The following DGKB variants were observed in gnomAD, a reference collection of about 807,000 sequenced individuals.
DGKB encodes diacylglycerol kinase beta, also known as 90 kDa diacylglycerol kinase.
A neutral mutation model predicts 114.3 loss-of-function variants in DGKB; 67 were observed. The ratio of observed to expected loss-of-function variants is 0.59; its 90% CI spans 0.48 to 0.72. The LOEUF (loss-of-function observed/expected upper bound fraction) is 0.72. DGKB is among the 30% of genes least tolerant of loss of function. The probability of loss-of-function intolerance (pLI) is 0.00; values close to 1 mark genes in which losing one functional copy is unlikely to be tolerated. For missense variants in DGKB, 907 were observed against 975.2 expected (o/e 0.93, Z 0.93); for synonymous variants, 398 against 323.1 (o/e 1.23, Z -2.49).
chr7:14,963,987 T>C (rs1787010338), intron 1 of DGKB, among the ~76,000 whole-genome samples: 1 of 152,148 alleles, frequency 6.6e-6, no homozygotes, highest in African/African-American at 2.4e-5. Flanking sequence ...ATATTTGTTA[T>C]AATAAAGATA....
At chr7:14,515,918 C>G (rs913100507) in intron 20 of DGKB, among the ~76,000 whole-genome samples, 2 of 152,136 alleles carry the variant, frequency 1.3e-5, no homozygotes, top group Non-Finnish European at 2.9e-5. Context: ...GCTCATGACT[C>G]TCTGCAGCCT....
chr7:14,656,751 TATACAC>T (rs1227739797), intron 13 of DGKB, among the ~76,000 whole-genome samples: 2 of 127,642 alleles, frequency 1.6e-5, no homozygotes, highest in Admixed American at 7.9e-5. Flanking sequence ...ATATAGGATA[TATACAC>T]ACACACACAC....
chr7:14,698,269 A>T (rs1400539917), intron 7 of DGKB, 100 bp from the exon 8 acceptor site: 2 of 663,858 alleles, frequency 3.0e-6, no homozygotes, highest in African/African-American at 1.9e-5. Flanking sequence ...TAGCTAAAAA[A>T]GTTAAATGAG....
intron 1 of DGKB, among the ~76,000 whole-genome samples, chr7:14,956,243 T>C (rs905568883): frequency 2.6e-5 from 4 of 151,962 alleles, no homozygotes; most frequent in African/African-American, 9.7e-5. Context: ...TTTTGATAAT[T>C]TCAAATGCAG....
At chr7:14,808,765 G>A (rs898153981) in intron 2 of DGKB, among the ~76,000 whole-genome samples, 1 of 152,144 alleles carries the variant, frequency 6.6e-6, no homozygotes, top group African/African-American at 2.4e-5. Context: ...TGATGAAACA[G>A]TGGAATGAAC....
chr7:14,693,090 C>A (rs1181653683), intron 9 of DGKB, among the ~76,000 whole-genome samples: 1 of 152,026 alleles, frequency 6.6e-6, no homozygotes, highest in East Asian at 1.9e-4. Flanking sequence ...AGTCTTGAAT[C>A]TGTAAAAATA....
chr7:14,892,864 A>G (rs71529372), intron 1 of DGKB, among the ~76,000 whole-genome samples: 31,253 of 146,998 alleles, frequency 0.21, 4,334 homozygotes, highest in Middle Eastern at 0.35. Context: ...ATATATATAT[A>G]TGTGTGTGTG....
intron 25 of DGKB, among the ~76,000 whole-genome samples, chr7:14,155,968 G>A (rs191786676): frequency 6.6e-5 from 10 of 152,198 alleles, no homozygotes; most frequent in East Asian, 5.8e-4. Context: ...CAATTGAGAC[G>A]AAATTACTGA....
intron 25 of DGKB, among the ~76,000 whole-genome samples, chr7:14,165,164 T>A (rs1784440481): frequency 6.6e-6 from 1 of 152,164 alleles, no homozygotes; most frequent in African/African-American, 2.4e-5. Flanking sequence ...ATTTTTAACC[T>A]CAGACTACAT....
rs1363066948 is a variant in DGKB, at chr7:14,471,179, GTA to G, written c.1835+6980_1835+6981del. 6.7e-4 allele frequency among the ~76,000 whole-genome samples: 69 copies of G among 102,710 alleles called. 8 individuals are homozygous for G. Among genetic ancestry groups the G allele is most frequent in the African/African-American group, 1.9e-3 (51 of 27,392 alleles). 67.4% of individuals were successfully genotyped at this position (102,710 alleles called of 152,430 possible). A position where few individuals can be genotyped will look rare whatever the true frequency, so the allele number is the denominator to read the frequency against. On this transcript the variant is annotated intron_variant, in intron 21 of 25. Coordinates refer to ENST00000402815, the MANE Select transcript of DGKB (RefSeq NM_001350709.2). ...AATTTTCCATATATATGGAATATAT[GTA>G]TATATACATATATGTATGGAATATA...
intron 23 of DGKB, among the ~76,000 whole-genome samples, chr7:14,332,150 A>C (rs1809833343): frequency 1.3e-5 from 2 of 152,106 alleles, no homozygotes; most frequent in African/African-American, 2.4e-5. Context: ...AGCTAGCATT[A>C]ACTAGGCATT....
At chr7:14,406,221 C>T (rs1245336079) in intron 21 of DGKB, among the ~76,000 whole-genome samples, 1 of 151,896 alleles carries the variant, frequency 6.6e-6, no homozygotes, top group African/African-American at 2.4e-5. Context: ...GACACAATAG[C>T]CTAGCAAATG....
intron 20 of DGKB, among the ~76,000 whole-genome samples, chr7:14,535,950 G>A (rs1158886353): frequency 2.6e-5 from 4 of 151,978 alleles, no homozygotes; most frequent in African/African-American, 9.7e-5. Flanking sequence ...AAAAAAGAGA[G>A]AAGACCCAAA....
intron 5 of DGKB, among the ~76,000 whole-genome samples, chr7:14,729,381 C>CA (rs2050962814): frequency 6.6e-6 from 1 of 152,074 alleles, no homozygotes; most frequent in South Asian, 2.1e-4. Flanking sequence ...CTTGGCCTCC[C>CA]AAAGTGCTGG....
At chr7:14,434,154 G>T (rs747078923) in intron 21 of DGKB, among the ~76,000 whole-genome samples, 9 of 152,140 alleles carry the variant, frequency 5.9e-5, no homozygotes, top group Non-Finnish European at 1.2e-4. Flanking sequence ...ATGGGATGAA[G>T]ACAAATTAAG....
chr7:14,441,139 G>C (rs1830033833), intron 21 of DGKB, among the ~76,000 whole-genome samples: 1 of 151,980 alleles, frequency 6.6e-6, no homozygotes, highest in African/African-American at 2.4e-5. Flanking sequence ...CTCTCTAGCG[G>C]CTGGGATTAC....
chr7:14,580,802 T>C (rs959864063), intron 19 of DGKB, 60 bp downstream of exon 19: 3 of 1,191,796 alleles, frequency 2.5e-6, no homozygotes, highest in African/African-American at 3.1e-5. Context: ...TTTCTTTTTG[T>C]TTTGCAAGGG....
At chr7:14,191,727 A>C in intron 23 of DGKB, 1 of 340,572 alleles carries the variant, frequency 2.9e-6, no homozygotes, top group Non-Finnish European at 6.0e-6. Context: ...AAAGATGTTC[A>C]CTGTGCCAAC....
intron 23 of DGKB, among the ~76,000 whole-genome samples, chr7:14,223,494 A>G (rs1215428702): frequency 1.3e-5 from 2 of 151,776 alleles, no homozygotes; most frequent in Admixed American, 6.6e-5. Flanking sequence ...ACATTATATA[A>G]TTTTGTATCT....
Sources: allele counts gnomAD v4.1 joint callset (sites outside exome capture counted in the v4.1 genomes callset), GRCh38; gene constraint gnomAD v4.1.1; transcripts MANE v1.5; gene names NCBI Gene and HGNC (gene_info 2026-07-23, HGNC 2026-07-21).